PRKAR2A: variants seen among roughly 807,000 people sequenced by gnomAD.
PRKAR2A encodes cAMP-dependent protein kinase type II-alpha regulatory subunit.
PRKAR2A carries 29 observed loss-of-function variants against 51.9 expected under a neutral mutation model. The observed-to-expected ratio is 0.56, with a 90% confidence interval of 0.42 to 0.76. The LOEUF (loss-of-function observed/expected upper bound fraction) is 0.76, where lower values mean the gene tolerates loss of function less well. PRKAR2A is among the 30% of genes least tolerant of loss of function. The pLI, the probability that PRKAR2A is intolerant of heterozygous loss-of-function variation, is 0.00. For missense variants in PRKAR2A, 445 were observed against 512.1 expected (o/e 0.87, Z 1.26); for synonymous variants, 178 against 186.2 (o/e 0.96, Z 0.36).
chr3:48,819,384 A>T (rs933287670), intron 1 of PRKAR2A, among the ~76,000 whole-genome samples: 1 of 152,118 alleles, frequency 6.6e-6, no homozygotes, highest in Non-Finnish European at 1.5e-5. Context: ...ACCATTTTAA[A>T]TGCATCATCA....
At chr3:48,823,782 T>A in intron 1 of PRKAR2A, among the ~76,000 whole-genome samples, 1 of 115,894 alleles carries the variant, frequency 8.6e-6, no homozygotes. Flanking sequence ...AAATACCCCG[T>A]CTCCAAAAAA....
chr3:48,847,634 C>T lies in PRKAR2A; in HGVS notation c.-38G>A, dbSNP rs2083491658. The T allele has an allele frequency of 1.4e-6, 2 of 1,403,420 alleles. No homozygotes were observed. The highest frequency in any genetic ancestry group is 1.8e-6 in the Non-Finnish European group (2 of 1,084,756). 86.9% of individuals were successfully genotyped at this position (1,403,420 alleles called of 1,614,324 possible). A position where few individuals can be genotyped will look rare whatever the true frequency, so the allele number is the denominator to read the frequency against. On this transcript the variant is annotated 5_prime_UTR_variant, in exon 1 of 11. Transcript: ENST00000265563. The surrounding 1 kb of genome is among the most constrained non-coding windows in gnomAD (Gnocchi z 4.4). ...CGAAGGGATAGACGGGTTGGGCCGCCGGCGGCCACTGTCTCCGCGCTCACT... is the reference window on the plus strand; with the variant it reads ...CGAAGGGATAGACGGGTTGGGCCGCTGGCGGCCACTGTCTCCGCGCTCACT...
At position 48,751,673 on chromosome 3, in the gene PRKAR2A, T is replaced by C; in HGVS notation, c.1127A>G (p.Asp376Gly). 2 of 1,613,948 alleles carry C rather than the reference T, an allele frequency of 1.2e-6. No homozygotes were observed. The highest frequency in any genetic ancestry group is 8.5e-7 in the Non-Finnish European group (1 of 1,179,866). ...AFERLLGPCM[D>G]IMKRNISHYE... ...GTGTGAGATGTTCCTCTTCATGATG[T>C]CCATGCAGGGCCCCAGAAGCCTCTC... The change falls in exon 11 of 11, where the codon GAC (aspartate) becomes GGC (glycine). Residue 376 changes from aspartate (D) to glycine (G), a missense_variant. Physicochemically the swap from Asp to Gly is moderately conservative, Grantham distance 94 (BLOSUM62 -1). Coordinates refer to ENST00000265563, the MANE Select transcript of PRKAR2A (RefSeq NM_004157.4).
At chr3:48,763,361 T>C (rs2081890817) in intron 8 of PRKAR2A, among the ~76,000 whole-genome samples, 1 of 152,088 alleles carries the variant, frequency 6.6e-6, no homozygotes, top group South Asian at 2.1e-4. Flanking sequence ...ACTACCTATC[T>C]ACCTTGAAGA....
intron 8 of PRKAR2A, among the ~76,000 whole-genome samples, chr3:48,760,835 CAAA>C (rs538538946): frequency 1.2e-4 from 8 of 64,300 alleles, no homozygotes; most frequent in Non-Finnish European, 9.1e-5. Flanking sequence ...AACTCCGTCT[CAAA>C]AAAAAAAAAA....
chr3:48,818,173 T>C (rs534349272), intron 1 of PRKAR2A, among the ~76,000 whole-genome samples: 3 of 152,314 alleles, frequency 2.0e-5, no homozygotes, highest in African/African-American at 4.8e-5. Flanking sequence ...CTCTATCATT[T>C]ACATGCCAGC....
intron 1 of PRKAR2A, among the ~76,000 whole-genome samples, chr3:48,829,038 G>A (rs1332858618): frequency 3.3e-5 from 5 of 151,892 alleles, no homozygotes; most frequent in Non-Finnish European, 5.9e-5. Flanking sequence ...GTTTCACCAT[G>A]TTGGCCAAGC....
intron 1 of PRKAR2A, among the ~76,000 whole-genome samples, chr3:48,816,931 C>T (rs1309798232): frequency 6.6e-6 from 1 of 151,880 alleles, no homozygotes; most frequent in Non-Finnish European, 1.5e-5. Context: ...CCTGTAACCC[C>T]AGCACCTTAG....
chr3:48,801,125 G>A (rs2082583319), intron 2 of PRKAR2A, among the ~76,000 whole-genome samples: 1 of 152,150 alleles, frequency 6.6e-6, no homozygotes, highest in South Asian at 2.1e-4. Flanking sequence ...GATTACAGGC[G>A]TGGGCCACCA....
At chr3:48,765,455 GTTAA>G in intron 6 of PRKAR2A, 106 bp from the exon 7 acceptor site, 1 of 750,892 alleles carries the variant, frequency 1.3e-6, no homozygotes, top group Non-Finnish European at 2.1e-6. Context: ...AAGTTACTGT[GTTAA>G]TTAAGTGTTT....
At chr3:48,802,699 T>A (rs965479152) in intron 2 of PRKAR2A, among the ~76,000 whole-genome samples, 1 of 152,074 alleles carries the variant, frequency 6.6e-6, no homozygotes, top group African/African-American at 2.4e-5. Context: ...CCAGACTCAG[T>A]CTCAGAATAG....
At chr3:48,778,036 C>T (rs1004950856) in intron 5 of PRKAR2A, among the ~76,000 whole-genome samples, 6 of 152,168 alleles carry the variant, frequency 3.9e-5, no homozygotes, top group Non-Finnish European at 7.4e-5. Flanking sequence ...TATAATGGGG[C>T]ATATGTTTTT....
intron 4 of PRKAR2A, among the ~76,000 whole-genome samples, chr3:48,785,342 C>A (rs1426470907): frequency 6.6e-6 from 1 of 150,804 alleles, no homozygotes; most frequent in South Asian, 2.1e-4. Context: ...CTCACTGCAA[C>A]CTCTGCCTCC....
At chr3:48,818,910 T>G (rs1415891126) in intron 1 of PRKAR2A, among the ~76,000 whole-genome samples, 1 of 152,234 alleles carries the variant, frequency 6.6e-6, no homozygotes, top group African/African-American at 2.4e-5. Context: ...GTGGAGGGTT[T>G]GTTTGCTGGT....
chr3:48,799,364 G>A (rs148217706), intron 2 of PRKAR2A, among the ~76,000 whole-genome samples: 1 of 152,112 alleles, frequency 6.6e-6, no homozygotes. Flanking sequence ...TATTAGATTA[G>A]GGTTCTACCC....
Position 48,750,854 on chromosome 3 carries a change from C to A in PRKAR2A, c.*731G>T, listed in dbSNP as rs1449357445. On this transcript the variant is annotated 3_prime_UTR_variant, in exon 11 of 11. Coordinates refer to ENST00000265563, the MANE Select transcript of PRKAR2A (RefSeq NM_004157.4). ...CCCCAACCCAGAAAACGTTTCCTGG[C>A]TCTCTACTAACAGTAAAATGTGCTG... is the stretch of plus-strand genomic sequence containing the variant. The A allele has an allele frequency of 6.5e-6, 1 of 153,286 alleles. No homozygotes were observed. The highest frequency in any genetic ancestry group is 1.5e-5 in the Non-Finnish European group (1 of 68,850). 9.5% of individuals were successfully genotyped at this position (153,286 alleles called of 1,614,324 possible). A position where few individuals can be genotyped will look rare whatever the true frequency, so the allele number is the denominator to read the frequency against.
chr3:48,810,496 G>A (rs1432754582), intron 1 of PRKAR2A, among the ~76,000 whole-genome samples: 1 of 152,056 alleles, frequency 6.6e-6, no homozygotes, highest in Non-Finnish European at 1.5e-5. Flanking sequence ...TGTAGTACTT[G>A]ACACAGCAAA....
intron 1 of PRKAR2A, among the ~76,000 whole-genome samples, chr3:48,816,039 A>T (rs1234974179): frequency 4.7e-5 from 7 of 150,452 alleles, no homozygotes; most frequent in African/African-American, 1.7e-4. Flanking sequence ...AAAAAAAAAA[A>T]GAAGCTAGAA....
In PRKAR2A at chr3:48,776,105, A is replaced by AAAACAAAC. The variant is rs377471790; in HGVS notation, c.543-3005_543-2998dup. ...CTGGGCAACAGAGAGGCTCAGTCTC[A>AAAACAAAC]AAACAAACAAACAAACAAACAAACA... On this transcript the variant is annotated intron_variant, in intron 5 of 10. Coordinates refer to ENST00000265563, the MANE Select transcript of PRKAR2A (RefSeq NM_004157.4). 2.0e-3 allele frequency among the ~76,000 whole-genome samples: 297 copies of AAAACAAAC among 152,116 alleles called. 1 individual carries two copies. The highest frequency in any genetic ancestry group is 3.5e-3 in the Non-Finnish European group (238 of 67,998).
Sources: allele counts gnomAD v4.1 joint callset (sites outside exome capture counted in the v4.1 genomes callset), GRCh38; gene constraint gnomAD v4.1.1; non-coding constraint Gnocchi (gnomAD v3.1); transcripts MANE v1.5; gene names NCBI Gene and HGNC (gene_info 2026-07-23, HGNC 2026-07-21).